The following MPDZ variants were observed in gnomAD, a reference collection of about 807,000 sequenced individuals.
MPDZ encodes multiple PDZ domain protein.
Under a neutral mutation model 239.1 loss-of-function variants are expected in MPDZ, and 234 were observed. The ratio of observed to expected loss-of-function variants is 0.98; its 90% confidence interval spans 0.88 to 1.09. The LOEUF (loss-of-function observed/expected upper bound fraction) is 1.09, where lower values mean the gene tolerates loss of function less well. Among genes scored for constraint, MPDZ ranks in the 50% least tolerant of loss-of-function variants. The pLI is 0.00. For missense variants in MPDZ, 3,175 were observed against 2,510.0 expected (o/e 1.26, Z -5.66); for synonymous variants, 1,048 against 881.3 (o/e 1.19, Z -3.35).
intron 1 of MPDZ, among the ~76,000 whole-genome samples, chr9:13,272,966 G>A (rs1329744091): frequency 6.6e-6 from 1 of 152,078 alleles, no homozygotes; most frequent in Non-Finnish European, 1.5e-5. Context: ...GGTATTAGGG[G>A]GTGGGGTCTT....
rs991649901 is a variant in MPDZ at position 13,210,422 on chromosome 9, G to T, written c.1291-4323C>A. On this transcript the variant is annotated intron_variant, in intron 10 of 46. Coordinates refer to ENST00000319217, the MANE Select transcript of MPDZ (RefSeq NM_001378778.1). ...AATGTTAAGAAAAACTTAAGAGGAA[G>T]TTTTTTTTTTTTTTTAAGAGGAAAG... 9.5e-4 allele frequency among the ~76,000 whole-genome samples: 139 copies of T among 145,668 alleles called. 1 individual carries two copies. Among genetic ancestry groups the T allele is most frequent in the African/African-American group, 3.4e-3 (132 of 39,110 alleles).
chr9:13,112,362 A>C (rs904690140), intron 42 of MPDZ, among the ~76,000 whole-genome samples: 1 of 152,204 alleles, frequency 6.6e-6, no homozygotes, highest in African/African-American at 2.4e-5. Context: ...AAATCAAGAC[A>C]TGCTAAATGA....
chr9:13,119,573 C>G lies in MPDZ; in HGVS notation c.5308G>C (p.Asp1770His), dbSNP rs1309445877. ...ADADGRLMQG[D>H]QILMVNGEDV... Reference sequence around the variant, plus strand: ...TCCCCATTCACCATTAATATCTGGTCTCCCTGCATCAGTCTTCCATCGGCA... The same window carrying G: ...TCCCCATTCACCATTAATATCTGGTGTCCCTGCATCAGTCTTCCATCGGCA... The change falls in exon 39 of 47, where the codon GAC (aspartate) becomes CAC (histidine). Residue 1770 changes from aspartate (D) to histidine (H), a missense_variant. Transcript: ENST00000319217. 1 of 1,613,978 alleles carries G rather than the reference C, an allele frequency of 6.2e-7. No homozygotes were observed. The highest frequency in any genetic ancestry group is 8.5e-7 in the Non-Finnish European group (1 of 1,179,856).
At chr9:13,127,446 GCTTT>G (rs1158864078) in intron 32 of MPDZ, among the ~76,000 whole-genome samples, 9 of 152,234 alleles carry the variant, frequency 5.9e-5, no homozygotes, top group African/African-American at 1.7e-4. Context: ...TTGGCTTTTA[GCTTT>G]CTTTAATGTT....
At chr9:13,177,041 G>A (rs1484343708) in intron 19 of MPDZ, among the ~76,000 whole-genome samples, 1 of 151,968 alleles carries the variant, frequency 6.6e-6, no homozygotes. Flanking sequence ...CTAAATCCAG[G>A]CTCTGTTATT....
In MPDZ at chr9:13,221,382, A is replaced by G. The variant is rs1959075532; in HGVS notation, c.866T>C (p.Val289Ala). The G allele has an allele frequency of 6.2e-7, 1 of 1,607,050 alleles. No homozygotes were observed. The highest frequency in any genetic ancestry group is 8.5e-7 in the Non-Finnish European group (1 of 1,176,168). ...VIVKTILPGGVADQHGRLCSG... is the reference protein window; with the variant it reads ...VIVKTILPGGAADQHGRLCSG... The stretch of plus-strand genomic sequence containing the variant: ...ATTGATGTAGCCTACCTGATCAGCT[A>G]CTCCTCCAGGCAGAATGGTTTTTAC... The change falls in exon 7 of 47, where the codon GTA (valine) becomes GCA (alanine). Residue 289 changes from valine (V) to alanine (A), a missense_variant. Transcript: ENST00000319217.
rs1959183451 is a variant in MPDZ at position 13,222,454 on chromosome 9, G to C, written c.534-8C>G. Reference sequence around the variant, plus strand: ...TCTTTCAATCTTCCATCTCTATCAAGGATGCAAAAGGGGATAAAAGACAAT... The same window carrying C: ...TCTTTCAATCTTCCATCTCTATCAACGATGCAAAAGGGGATAAAAGACAAT... On this transcript the variant is annotated splice_region_variant and splice_polypyrimidine_tract_variant and intron_variant, in intron 5 of 46. Coordinates refer to ENST00000319217, the MANE Select transcript of MPDZ (RefSeq NM_001378778.1). 1 of 1,602,894 alleles carries C rather than the reference G, an allele frequency of 6.2e-7. No individual in the cohort carries two copies. Among genetic ancestry groups the C allele is most frequent in the East Asian group, 2.2e-5 (1 of 44,774 alleles).
At chr9:13,265,997 A>G (rs918640775) in intron 1 of MPDZ, among the ~76,000 whole-genome samples, 1 of 152,148 alleles carries the variant, frequency 6.6e-6, no homozygotes, top group Admixed American at 6.5e-5. Flanking sequence ...AAATAACTCT[A>G]CTTCCACAAT....
intron 13 of MPDZ, among the ~76,000 whole-genome samples, chr9:13,194,346 C>A (rs572877519): frequency 4.6e-5 from 7 of 151,926 alleles, no homozygotes; most frequent in African/African-American, 1.4e-4. Context: ...TGTATATACA[C>A]CATGGAATAC....
chr9:13,208,021 C>T (rs957285520), intron 10 of MPDZ, among the ~76,000 whole-genome samples: 1 of 152,146 alleles, frequency 6.6e-6, no homozygotes, highest in Admixed American at 6.5e-5. Context: ...ACGTGTAATG[C>T]TTTTCCAAGC....
chr9:13,217,034 G>T, intron 9 of MPDZ, 146 bp downstream of exon 9: 1 of 773,302 alleles, frequency 1.3e-6, no homozygotes, highest in Non-Finnish European at 2.0e-6. Context: ...CAATATAAGA[G>T]TCACCTACAC....
At chr9:13,211,587 AC>A in intron 10 of MPDZ, among the ~76,000 whole-genome samples, 1 of 152,142 alleles carries the variant, frequency 6.6e-6, no homozygotes, top group East Asian at 1.9e-4. Flanking sequence ...TAATAGTATT[AC>A]AGCAACAAAA....
In MPDZ at chr9:13,236,062, T is replaced by C. The variant is rs538497808; in HGVS notation, c.184-11479A>G. On this transcript the variant is annotated intron_variant, in intron 3 of 46. Coordinates refer to ENST00000319217, the MANE Select transcript of MPDZ (RefSeq NM_001378778.1). ...ATGAGGAGTTAACAGATTATTTTAA[T>C]ATTTTAGTTTTTATTCAAACCTGCA... Among the ~76,000 whole-genome samples the C allele has an allele frequency of 4.0e-5, 6 of 151,414 alleles. No homozygotes were observed. In the South Asian group the frequency reaches 1.3e-3, roughly 32 times the overall value.
In MPDZ at chr9:13,119,654, AC is replaced by A. The variant is rs746736354; in HGVS notation, c.5232-6del. 1 of 1,613,932 alleles carries A rather than the reference AC, an allele frequency of 6.2e-7. No individual in the cohort carries two copies. Among genetic ancestry groups the A allele is most frequent in the East Asian group, 2.2e-5 (1 of 44,878 alleles). On this transcript the variant is annotated splice_region_variant and splice_polypyrimidine_tract_variant and intron_variant, in intron 38 of 46. Transcript: ENST00000319217. The stretch of plus-strand genomic sequence containing the variant: ...ACAAATACTCCAGTATCGTTTCTAC[AC>A]ACAATTTTGAATTTCAACATTATCT...
chr9:13,156,608 T>G (rs1324020368), intron 24 of MPDZ, among the ~76,000 whole-genome samples: 1 of 152,178 alleles, frequency 6.6e-6, no homozygotes, highest in African/African-American at 2.4e-5. Context: ...ACAGGGCCCC[T>G]TCCACAACAT....
chr9:13,243,450 T>C (rs1965892446), intron 3 of MPDZ, among the ~76,000 whole-genome samples: 1 of 152,112 alleles, frequency 6.6e-6, no homozygotes, highest in Non-Finnish European at 1.5e-5. Flanking sequence ...TATCTAGTTA[T>C]GTGACTTTTT....
chr9:13,120,434 C>T (rs369064546), intron 38 of MPDZ: 1 of 152,128 alleles, frequency 6.6e-6, no homozygotes, highest in Non-Finnish European at 1.5e-5. Context: ...GTATGGTCTT[C>T]CCAAGGCACA....
In MPDZ at chr9:13,140,043, G is replaced by T. The variant is rs753716746; in HGVS notation, c.3947C>A (p.Ser1316Tyr). Reference sequence around the variant, plus strand: ...CACATCTTGTGAGATTTTGCTTGCAGATGACTGTGTGTGATCACTACCCAT... The same window carrying T: ...CACATCTTGTGAGATTTTGCTTGCATATGACTGTGTGTGATCACTACCCAT... ...AEMGSDHTQS[S>Y]ASKISQDVDK... is the part of the protein sequence containing the mutation. Residue 1316 changes from serine (S) to tyrosine (Y), a missense_variant, in exon 28 of 47, where the codon TCT becomes TAT. Transcript: ENST00000319217. The T allele has an allele frequency of 3.7e-6, 6 of 1,613,284 alleles. No individual in the cohort carries two copies. In the African/African-American group the frequency reaches 8.0e-5, roughly 22 times the overall value.
intron 39 of MPDZ, among the ~76,000 whole-genome samples, chr9:13,117,573 A>G (rs1237401133): frequency 6.6e-6 from 1 of 151,706 alleles, no homozygotes; most frequent in East Asian, 1.9e-4. Flanking sequence ...TCAAACAAAT[A>G]CATGTTTGCC....
Sources: allele counts gnomAD v4.1 joint callset (sites outside exome capture counted in the v4.1 genomes callset), GRCh38; gene constraint gnomAD v4.1.1; transcripts MANE v1.5; gene names NCBI Gene and HGNC (gene_info 2026-07-23, HGNC 2026-07-21).